FGF12: variants seen among roughly 807,000 people sequenced by gnomAD.
The protein encoded by FGF12 is fibroblast growth factor 12.
In FGF12, 14 loss-of-function variants were observed where a neutral mutation model predicts 23.6. That is an observed-to-expected ratio of 0.59 (90% confidence interval 0.39 to 0.93). The LOEUF (loss-of-function observed/expected upper bound fraction) is 0.93, where lower values mean the gene tolerates loss of function less well. FGF12 is among the 40% of genes least tolerant of loss of function. The pLI is 0.00. For missense variants in FGF12, 175 were observed against 217.8 expected (o/e 0.80, Z 1.24); for synonymous variants, 62 against 77.3 (o/e 0.80, Z 1.04).
chr3:192,470,914 T>C (rs891766615), intron 2 of FGF12, among the ~76,000 whole-genome samples: 1 of 152,116 alleles, frequency 6.6e-6, no homozygotes, highest in East Asian at 1.9e-4. Context: ...TCCTCCACAG[T>C]TTCACACCTC....
chr3:192,647,079 G>C (rs1042524028), intron 2 of FGF12, among the ~76,000 whole-genome samples: 1 of 152,080 alleles, frequency 6.6e-6, no homozygotes, highest in South Asian at 2.1e-4. Flanking sequence ...TGGAAATTCA[G>C]TTTCATAAGA....
In FGF12 at chr3:192,235,059, A is replaced by T. The variant is rs534321056; in HGVS notation, c.229-64403T>A. ...ATCAGAATGATGCTGGCCTCATAGA[A>T]TGAGTTAGGCAGGAGTCCCTCCTCC... On this transcript the variant is annotated intron_variant, in intron 4 of 5. Coordinates refer to ENST00000445105, the MANE Select transcript of FGF12 (RefSeq NM_004113.6). Among the ~76,000 whole-genome samples the T allele has an allele frequency of 1.5e-3, 221 of 152,260 alleles. 1 individual carries two copies. The highest frequency in any genetic ancestry group is 3.7e-3 in the Admixed American group (57 of 15,296).
chr3:192,310,702 C>G (rs901337397), intron 4 of FGF12, among the ~76,000 whole-genome samples: 6 of 152,160 alleles, frequency 3.9e-5, no homozygotes, highest in African/African-American at 1.4e-4. Context: ...TGTACCACCT[C>G]ATTAAGAGAT....
intron 5 of FGF12, among the ~76,000 whole-genome samples, chr3:192,146,293 C>A (rs1252001480): frequency 1.0e-5 from 1 of 98,506 alleles, no homozygotes; most frequent in Non-Finnish European, 2.1e-5. Context: ...TTTTTTGAGA[C>A]GGAGTCTCGC....
chr3:192,338,703 T>A (rs1168066610), intron 3 of FGF12, among the ~76,000 whole-genome samples: 2 of 152,208 alleles, frequency 1.3e-5, no homozygotes, highest in East Asian at 1.9e-4. Flanking sequence ...AAGTCCAACA[T>A]TCAATTACCC....
At chr3:192,245,902 T>C (rs900764615) in intron 4 of FGF12, among the ~76,000 whole-genome samples, 2 of 152,156 alleles carry the variant, frequency 1.3e-5, no homozygotes, top group African/African-American at 4.8e-5. Flanking sequence ...GCTAAAAGAC[T>C]GAATAAATGT....
At chr3:192,339,850 G>A (rs933474127) in intron 3 of FGF12, among the ~76,000 whole-genome samples, 12 of 152,140 alleles carry the variant, frequency 7.9e-5, no homozygotes, top group Non-Finnish European at 1.8e-4. Flanking sequence ...TTGCTGTAAT[G>A]TCTAGCCCAG....
intron 2 of FGF12, among the ~76,000 whole-genome samples, chr3:192,416,414 T>G (rs1721354011): frequency 6.6e-6 from 1 of 152,154 alleles, no homozygotes. Context: ...TTTATTTGCC[T>G]GTGAAACAAC....
chr3:192,535,084 GA>G (rs1301409116), intron 2 of FGF12, among the ~76,000 whole-genome samples: 1 of 151,962 alleles, frequency 6.6e-6, no homozygotes, highest in Non-Finnish European at 1.5e-5. Flanking sequence ...AATAAGAAAT[GA>G]AAAAAATTCT....
chr3:192,665,515 A>C (rs1179110068), intron 2 of FGF12, among the ~76,000 whole-genome samples: 1 of 151,924 alleles, frequency 6.6e-6, no homozygotes, highest in Non-Finnish European at 1.5e-5. Context: ...CAAGGACAGA[A>C]AACCAAATAC....
At chr3:192,308,371 T>A (rs920303167) in intron 4 of FGF12, among the ~76,000 whole-genome samples, 2 of 152,104 alleles carry the variant, frequency 1.3e-5, no homozygotes, top group Non-Finnish European at 2.9e-5. Context: ...ATATCAAATA[T>A]ATTTAAAATT....
At chr3:192,470,559 T>C (rs1459719787) in intron 2 of FGF12, among the ~76,000 whole-genome samples, 1 of 151,842 alleles carries the variant, frequency 6.6e-6, no homozygotes, top group Admixed American at 6.6e-5. Flanking sequence ...TAGCTAATTT[T>C]TGTATTTTTA....
At chr3:192,158,374 CTTTCTT>C (rs1339045272) in intron 5 of FGF12, among the ~76,000 whole-genome samples, 2 of 117,242 alleles carry the variant, frequency 1.7e-5, no homozygotes, top group Non-Finnish European at 3.6e-5. Flanking sequence ...TTCTTTCTTT[CTTTCTT>C]TCTTTTCTTT....
intron 2 of FGF12, among the ~76,000 whole-genome samples, chr3:192,711,426 C>A (rs892453769): frequency 6.6e-6 from 1 of 150,548 alleles, no homozygotes; most frequent in South Asian, 2.1e-4. Context: ...TCTGCCCGGC[C>A]GCCACCCCGT....
At chr3:192,688,885 A>G (rs2108717396) in intron 2 of FGF12, among the ~76,000 whole-genome samples, 1 of 152,352 alleles carries the variant, frequency 6.6e-6, no homozygotes, top group African/African-American at 2.4e-5. Flanking sequence ...TGGGATATAT[A>G]TATAATGAAA....
intron 2 of FGF12, among the ~76,000 whole-genome samples, chr3:192,682,329 A>G (rs528387264): frequency 9.9e-5 from 15 of 152,140 alleles, no homozygotes; most frequent in Non-Finnish European, 1.8e-4. Flanking sequence ...TCCCATGTAA[A>G]TTTTGCATGA....
intron 2 of FGF12, among the ~76,000 whole-genome samples, chr3:192,646,240 A>G (rs1217376806): frequency 7.2e-6 from 1 of 139,626 alleles, no homozygotes; most frequent in African/African-American, 2.6e-5. Context: ...ATCAATCATC[A>G]GAGTGTGGAA....
intron 2 of FGF12, among the ~76,000 whole-genome samples, chr3:192,709,763 T>G (rs1184793269): frequency 1.3e-5 from 2 of 152,180 alleles, no homozygotes; most frequent in Admixed American, 1.3e-4. Flanking sequence ...AATCATGAGT[T>G]TTGAAGACCG....
At chr3:192,265,929 T>C (rs1463527836) in intron 4 of FGF12, among the ~76,000 whole-genome samples, 2 of 152,174 alleles carry the variant, frequency 1.3e-5, no homozygotes, top group East Asian at 3.8e-4. Flanking sequence ...ACTGAATCTC[T>C]GCAAGCTTCC....
Sources: gnomAD v4.1 joint callset for allele counts (sites outside exome capture counted in the v4.1 genomes callset) on GRCh38, gnomAD v4.1.1 for gene constraint, MANE v1.5 for transcripts, NCBI Gene and HGNC (gene_info 2026-07-23, HGNC 2026-07-21) for gene names.